Variants in NEK11 observed in about 807,000 individuals in gnomAD.
NEK11 encodes serine/threonine-protein kinase Nek11.
In NEK11, 72 loss-of-function variants were observed where a neutral mutation model predicts 80.7. The ratio of observed to expected loss-of-function variants is 0.89; its 90% confidence interval spans 0.74 to 1.08. The LOEUF is 1.08. NEK11 is among the 50% of genes least tolerant of loss of function. The pLI, the probability that NEK11 is intolerant of heterozygous loss-of-function variation, is 0.00. For missense variants in NEK11, 764 were observed against 763.6 expected, an observed-to-expected ratio of 1.00 and a Z score of -0.01; for synonymous variants, 251 against 260.7, an observed-to-expected ratio of 0.96 and a Z score of 0.36.
At chr3:131,226,337 C>G (rs1224762580) in intron 14 of NEK11, among the ~76,000 whole-genome samples, 1 of 152,254 alleles carries the variant, frequency 6.6e-6, no homozygotes, top group East Asian at 1.9e-4. Context: ...TCTTTATTAA[C>G]ATGGCTTCTA....
intron 16 of NEK11, among the ~76,000 whole-genome samples, chr3:131,257,236 T>C (rs2095833185): frequency 6.6e-6 from 1 of 151,600 alleles, no homozygotes; most frequent in African/African-American, 2.4e-5. Context: ...GCTCAAGTGG[T>C]TCACCTGACT....
intron 17 of NEK11, among the ~76,000 whole-genome samples, chr3:131,305,881 A>G (rs759248029): frequency 6.6e-6 from 1 of 151,742 alleles, no homozygotes; most frequent in African/African-American, 2.4e-5. Flanking sequence ...TCCACTCTCA[A>G]TGCCTTCTCT....
rs2092977834 is a variant in NEK11 at position 131,175,824 on chromosome 3, C to T, written c.1399+4937C>T. On this transcript the variant is annotated intron_variant, in intron 14 of 17. Transcript: ENST00000383366. ...AATATTCAGAAGAAACAATGTAATGCTTAGCTGTCTATGTGTTAGCTAATG... is the reference window on the plus strand; with the variant it reads ...AATATTCAGAAGAAACAATGTAATGTTTAGCTGTCTATGTGTTAGCTAATG... 2.0e-5 allele frequency among the ~76,000 whole-genome samples: 3 copies of T among 152,008 alleles called. No individual in the cohort carries two copies. The South Asian group carries it at 6.2e-4, about 32-fold the overall frequency.
intron 14 of NEK11, among the ~76,000 whole-genome samples, chr3:131,198,909 A>C (rs1433490827): frequency 6.6e-6 from 1 of 152,254 alleles, no homozygotes; most frequent in Non-Finnish European, 1.5e-5. Context: ...CATATTCGGC[A>C]GAAACCTGTT....
intron 3 of NEK11, among the ~76,000 whole-genome samples, chr3:131,078,443 C>T (rs1049619919): frequency 2.0e-5 from 3 of 152,064 alleles, no homozygotes; most frequent in African/African-American, 2.4e-5. Flanking sequence ...AGAATTGTAA[C>T]GAGTTTTTAA....
intron 16 of NEK11, among the ~76,000 whole-genome samples, chr3:131,255,680 C>G (rs775231115): frequency 5.3e-5 from 8 of 152,124 alleles, no homozygotes; most frequent in Non-Finnish European, 1.2e-4. Flanking sequence ...CTTGGCAGCT[C>G]TACTTCTATC....
intron 3 of NEK11, among the ~76,000 whole-genome samples, chr3:131,058,005 G>T (rs1302062234): frequency 2.0e-5 from 3 of 151,940 alleles, no homozygotes. Flanking sequence ...TTTCTTCTAG[G>T]GTTTTTATGG....
At chr3:131,087,235 CTTTTTTTTTT>C (rs59630167) in intron 4 of NEK11, among the ~76,000 whole-genome samples, 1 of 81,204 alleles carries the variant, frequency 1.2e-5, no homozygotes. Context: ...TATGCAAATT[CTTTTTTTTTT>C]TTTTTTTTTT....
chr3:131,277,106 C>T (rs959792074), intron 17 of NEK11, among the ~76,000 whole-genome samples: 1 of 152,026 alleles, frequency 6.6e-6, no homozygotes, highest in Non-Finnish European at 1.5e-5. Context: ...TATTGTTTGT[C>T]CTGAACTTTT....
At chr3:131,302,096 A>G (rs1338217561) in intron 17 of NEK11, among the ~76,000 whole-genome samples, 1 of 151,862 alleles carries the variant, frequency 6.6e-6, no homozygotes, top group Non-Finnish European at 1.5e-5. Flanking sequence ...GAGGTTGTAG[A>G]TTTCTAGGAA....
At chr3:131,132,961 A>G in intron 6 of NEK11, 152 bp downstream of exon 6, 1 of 519,766 alleles carries the variant, frequency 1.9e-6, no homozygotes. Context: ...TGCTGCTGAA[A>G]TGAACACTAA....
chr3:131,306,298 G>T (rs541094784), intron 17 of NEK11, among the ~76,000 whole-genome samples: 1 of 152,246 alleles, frequency 6.6e-6, no homozygotes, highest in African/African-American at 2.4e-5. Flanking sequence ...AACCAAACAT[G>T]TTACACTGAG....
intron 3 of NEK11, among the ~76,000 whole-genome samples, chr3:131,065,806 C>T (rs2071817046): frequency 6.6e-6 from 1 of 152,148 alleles, no homozygotes; most frequent in Admixed American, 6.5e-5. Context: ...AGGTGAATTT[C>T]CCTTATGCCT....
At chr3:131,306,351 A>G (rs1372068795) in intron 17 of NEK11, among the ~76,000 whole-genome samples, 1 of 152,176 alleles carries the variant, frequency 6.6e-6, no homozygotes, top group African/African-American at 2.4e-5. Flanking sequence ...TGTTGCAGTA[A>G]GTGTAGGGGG....
At chr3:131,309,107 G>A (rs1485766717) in intron 17 of NEK11, among the ~76,000 whole-genome samples, 3 of 152,156 alleles carry the variant, frequency 2.0e-5, no homozygotes, top group Admixed American at 6.5e-5. Context: ...ACTGGCCCGC[G>A]GCCTAAGGGT....
intron 14 of NEK11, among the ~76,000 whole-genome samples, chr3:131,224,986 A>G (rs1167111217): frequency 6.6e-6 from 1 of 152,106 alleles, no homozygotes; most frequent in Non-Finnish European, 1.5e-5. Flanking sequence ...AGAAGGGAAA[A>G]CATTTTTTAT....
At chr3:131,293,456 A>T (rs975322186) in intron 17 of NEK11, among the ~76,000 whole-genome samples, 9 of 152,136 alleles carry the variant, frequency 5.9e-5, no homozygotes, top group African/African-American at 2.2e-4. Context: ...GTCATGTTGT[A>T]TAATTCTTTT....
intron 3 of NEK11, among the ~76,000 whole-genome samples, chr3:131,078,173 A>G (rs1413900762): frequency 6.6e-6 from 1 of 152,224 alleles, no homozygotes; most frequent in Non-Finnish European, 1.5e-5. Flanking sequence ...AGATGAGTTC[A>G]GAATGGGAAG....
intron 5 of NEK11, among the ~76,000 whole-genome samples, chr3:131,116,428 A>G (rs998694275): frequency 2.6e-4 from 40 of 152,228 alleles, no homozygotes; most frequent in Admixed American, 2.4e-3. Context: ...TAGTGCCACA[A>G]TAAACATACG....
Sources: gnomAD v4.1 joint callset for allele counts (sites outside exome capture counted in the v4.1 genomes callset) on GRCh38, gnomAD v4.1.1 for gene constraint, MANE v1.5 for transcripts, NCBI Gene and HGNC (gene_info 2026-07-23, HGNC 2026-07-21) for gene names.